ZNF618: variants seen among roughly 807,000 people sequenced by gnomAD.
ZNF618 encodes zinc finger protein 618.
In ZNF618, 34 loss-of-function variants were observed where a neutral mutation model predicts 103.0. The ratio of observed to expected loss-of-function variants is 0.33; its 90% confidence interval spans 0.25 to 0.44. The LOEUF (loss-of-function observed/expected upper bound fraction) is 0.44. Among genes scored for constraint, ZNF618 ranks in the 20% least tolerant of loss-of-function variants. The pLI, the probability that ZNF618 is intolerant of heterozygous loss-of-function variation, is 1.00. For missense variants in ZNF618, 1,059 were observed against 1,295.4 expected, an observed-to-expected ratio of 0.82 and a Z score of 2.80; for synonymous variants, 551 against 542.2, an observed-to-expected ratio of 1.02 and a Z score of -0.23.
intron 4 of ZNF618, among the ~76,000 whole-genome samples, chr9:113,999,855 G>C (rs1841005484): frequency 6.6e-6 from 1 of 152,194 alleles, no homozygotes; most frequent in African/African-American, 2.4e-5. Flanking sequence ...CACATTGCAG[G>C]CACTCGTAAA....
chr9:113,892,275 C>T (rs1829682437), intron 1 of ZNF618, among the ~76,000 whole-genome samples: 1 of 152,126 alleles, frequency 6.6e-6, no homozygotes, highest in African/African-American at 2.4e-5. Flanking sequence ...CTACGAACAT[C>T]CTCCTCTATA....
chr9:114,010,876 G>T (rs115111399), intron 9 of ZNF618, among the ~76,000 whole-genome samples: 3,117 of 152,224 alleles, frequency 0.02, 120 homozygotes, highest in African/African-American at 0.071. Context: ...AGGAAGATGG[G>T]CTTTGAAATC....
At chr9:113,937,155 G>A (rs900597365) in intron 1 of ZNF618, among the ~76,000 whole-genome samples, 5 of 152,094 alleles carry the variant, frequency 3.3e-5, no homozygotes, top group Non-Finnish European at 1.5e-5. Flanking sequence ...ATAATTTCAG[G>A]AAGTTTTAAG....
chr9:113,907,243 T>C (rs534500923), intron 1 of ZNF618, among the ~76,000 whole-genome samples: 47 of 152,322 alleles, frequency 3.1e-4, no homozygotes, highest in Non-Finnish European at 5.6e-4. Context: ...TGTGGGGACC[T>C]GAAGGGATGA....
chr9:113,879,337 T>G (rs967758692), intron 1 of ZNF618, among the ~76,000 whole-genome samples: 1 of 151,868 alleles, frequency 6.6e-6, no homozygotes, highest in African/African-American at 2.4e-5. Flanking sequence ...TGTTCTGTTG[T>G]CTATGGCTAG....
At chr9:113,889,350 T>TCTCTCTCTCTCTCTCCCTCCCTCC (rs1191014933) in intron 1 of ZNF618, among the ~76,000 whole-genome samples, 2 of 148,360 alleles carry the variant, frequency 1.3e-5, no homozygotes, top group East Asian at 2.4e-4. Flanking sequence ...TCTCTCTTTC[T>TCTCTCTCTCTCTCTCCCTCCCTCC]CTCCCTCCCT....
intron 13 of ZNF618, among the ~76,000 whole-genome samples, chr9:114,047,447 T>C (rs546147563): frequency 1.3e-5 from 2 of 152,230 alleles, no homozygotes; most frequent in Non-Finnish European, 2.9e-5. Flanking sequence ...AAATGCAAAC[T>C]TTGCGAAAGT....
At chr9:113,942,564 C>T (rs891101531) in intron 1 of ZNF618, among the ~76,000 whole-genome samples, 3 of 152,192 alleles carry the variant, frequency 2.0e-5, no homozygotes, top group African/African-American at 4.8e-5. Context: ...GCTGTAAGCT[C>T]ACCTGTGTTT....
chr9:113,970,308 C>T (rs1837834758), intron 2 of ZNF618, among the ~76,000 whole-genome samples: 1 of 152,044 alleles, frequency 6.6e-6, no homozygotes, highest in South Asian at 2.1e-4. Context: ...TTGACATTCT[C>T]TGAGCAGGAG....
chr9:113,912,265 C>T (rs1004458915), intron 1 of ZNF618, among the ~76,000 whole-genome samples: 2 of 151,828 alleles, frequency 1.3e-5, no homozygotes, highest in African/African-American at 4.8e-5. Context: ...TGAGAACATA[C>T]AGGAGAAGGC....
rs762962024 is a variant in ZNF618, at chr9:114,032,651, G to A, written c.1091G>A (p.Ser364Asn). 1.2e-6 allele frequency: 2 copies of A among 1,614,026 alleles called. No individual in the cohort carries two copies. Among genetic ancestry groups the A allele is most frequent in the Non-Finnish European group, 1.7e-6 (2 of 1,179,876 alleles). Residue 364 changes from serine to asparagine, a missense_variant, in exon 12 of 15, where the codon AGC (serine) becomes AAC (asparagine). Around this residue, in one of 6 missense-constraint regions of ZNF618, gnomAD observed 434 missense variants for 476.0 expected, o/e 0.91. Transcript: ENST00000374126. ...SPASKATAAESAFSRRVEGKA... is the reference protein window; with the variant it reads ...SPASKATAAENAFSRRVEGKA... The stretch of plus-strand genomic sequence containing the variant: ...TCTCCTGTCCCCCACCCAGCAGAAA[G>A]CGCTTTCAGTCGGAGAGTAGAAGGC...
At chr9:113,995,378 T>C (rs1840472885) in intron 3 of ZNF618, among the ~76,000 whole-genome samples, 1 of 152,170 alleles carries the variant, frequency 6.6e-6, no homozygotes, top group Admixed American at 6.5e-5. Flanking sequence ...AGTAAAAAAT[T>C]ATTGAAAATG....
At chr9:113,944,968 T>G (rs114246900) in intron 1 of ZNF618, among the ~76,000 whole-genome samples, 1 of 152,160 alleles carries the variant, frequency 6.6e-6, no homozygotes, top group Middle Eastern at 3.2e-3. Flanking sequence ...TCCGCAGATA[T>G]GAAGCAGTGT....
intron 2 of ZNF618, among the ~76,000 whole-genome samples, chr9:113,974,423 T>C (rs1377476614): frequency 6.6e-6 from 1 of 152,178 alleles, no homozygotes; most frequent in Non-Finnish European, 1.5e-5. Flanking sequence ...TTCCTCTGCG[T>C]GAGATCAGGA....
At chr9:113,892,776 A>C (rs868217687) in intron 1 of ZNF618, among the ~76,000 whole-genome samples, 2 of 152,208 alleles carry the variant, frequency 1.3e-5, no homozygotes, top group African/African-American at 4.8e-5. Flanking sequence ...GGTTTAAAGG[A>C]GGGACATAGG....
At chr9:113,935,526 G>A (rs1257209372) in intron 1 of ZNF618, among the ~76,000 whole-genome samples, 3 of 152,110 alleles carry the variant, frequency 2.0e-5, no homozygotes, top group African/African-American at 4.8e-5. Context: ...TCCTTGTTGC[G>A]GGTCGTGTCA....
Position 114,049,000 on chromosome 9 carries a change from C to T in ZNF618, c.1698C>T (p.Leu566=), listed in dbSNP as rs73558321. The change falls in exon 15 of 15, where the codon CTC becomes CTT. Residue 566 remains leucine (L), a synonymous_variant. Transcript: ENST00000374126. Reference sequence around the variant, plus strand: ...TTGGCCCTGACTCCTGCTACATCCTCACAGCCTACCAGGCCGAGGGCAACC... The same window carrying T: ...TTGGCCCTGACTCCTGCTACATCCTTACAGCCTACCAGGCCGAGGGCAACC... ...QSVGPDSCYI[L]TAYQAEGNHI... 20 of 1,613,436 alleles carry T rather than the reference C, an allele frequency of 1.2e-5. No homozygotes were observed. The African/African-American group carries it at 2.0e-4, about 16-fold the overall frequency.
chr9:113,925,702 A>G (rs953084447), intron 1 of ZNF618, among the ~76,000 whole-genome samples: 2 of 152,044 alleles, frequency 1.3e-5, no homozygotes, highest in African/African-American at 4.8e-5. Context: ...TAGAGTGTGC[A>G]GTATACATGT....
chr9:113,951,421 ATGTGTG>A (rs141342636), intron 1 of ZNF618, among the ~76,000 whole-genome samples: 3 of 14,754 alleles, frequency 2.0e-4, no homozygotes, highest in African/African-American at 5.4e-4. Flanking sequence ...ACACACATAT[ATGTGTG>A]TGTGTATATA....
Sources: gnomAD v4.1 joint callset for allele counts (sites outside exome capture counted in the v4.1 genomes callset) on GRCh38, gnomAD v4.1.1 for gene constraint, gnomAD v4.1.1 regional missense constraint, MANE v1.5 for transcripts, NCBI Gene and HGNC (gene_info 2026-07-23, HGNC 2026-07-21) for gene names.